Variants in AGL observed in about 807,000 individuals in gnomAD.
AGL encodes the protein glycogen debranching enzyme.
In AGL, 128 loss-of-function variants were observed where a neutral mutation model predicts 199.3. That is an observed-to-expected ratio of 0.64 (90% CI 0.56 to 0.74). The LOEUF is 0.74. Ranked by LOEUF, AGL falls within the 30% of genes least tolerant of loss-of-function variation. AGL has a pLI of 0.00. For missense variants in AGL, 1,809 were observed against 1,820.8 expected (o/e 0.99, Z 0.12); for synonymous variants, 584 against 594.7 (o/e 0.98, Z 0.26).
chr1:99,862,112 G>C (rs994711442), intron 3 of AGL, 145 bp from the exon 4 acceptor site: 8 of 887,644 alleles, frequency 9.0e-6, no homozygotes, highest in Admixed American at 6.9e-5. Context: ...AAGTTTTGTT[G>C]CAACTTTTAA....
At chr1:99,877,611 A>C (rs1651654539) in intron 11 of AGL, 30 bp from the exon 12 acceptor site, 1 of 1,603,298 alleles carries the variant, frequency 6.2e-7, no homozygotes, top group African/African-American at 1.3e-5. Context: ...TATTTCTTGA[A>C]CCATTGAAAG....
At chr1:99,913,958 A>G (rs145820384) in intron 30 of AGL, among the ~76,000 whole-genome samples, 2 of 152,320 alleles carry the variant, frequency 1.3e-5, no homozygotes, top group Non-Finnish European at 2.9e-5. Context: ...GATGATGACT[A>G]ATGAAGTGCT....
chr1:99,874,777 T>G lies in AGL; in HGVS notation c.1049T>G (p.Met350Arg), dbSNP rs761122742. 2 of 1,613,942 alleles carry G rather than the reference T, an allele frequency of 1.2e-6. No individual in the cohort carries two copies. Among genetic ancestry groups the G allele is most frequent in the East Asian group, 2.2e-5 (1 of 44,840 alleles). ...EYRRFGCTVD[M>R]NIALTTFIPH... ...AGACGGTTTGGCTGTACTGTAGATA[T>G]GAACATTGCACTAACGACTTTCATA... is the stretch of plus-strand genomic sequence containing the variant. The change falls in exon 8 of 34, where the codon ATG becomes AGG. Residue 350 changes from methionine (M) to arginine (R), a missense_variant. By Grantham distance (91) the Met-to-Arg change is moderately conservative. Transcript: ENST00000361915.
At position 99,915,725 on chromosome 1, in the gene AGL, G is replaced by A. The variant is rs369792757; in HGVS notation, c.4259+239G>A. On this transcript the variant is annotated intron_variant, in intron 31 of 33. Coordinates refer to ENST00000361915, the MANE Select transcript of AGL (RefSeq NM_000642.3). ...GATCAAGGCTGTAGTGAGCTATGATGGCACCACTGCACTCCAGCCTGCTTG... is the reference window on the plus strand; with the variant it reads ...GATCAAGGCTGTAGTGAGCTATGATAGCACCACTGCACTCCAGCCTGCTTG... 3.6e-4 allele frequency among the ~76,000 whole-genome samples: 54 copies of A among 151,758 alleles called. 1 individual carries two copies. In the East Asian group the frequency reaches 3.9e-3, roughly 11 times the overall value.
intron 3 of AGL, 77 bp from the exon 4 acceptor site, chr1:99,862,180 T>G (rs1650098663): frequency 1.5e-6 from 2 of 1,346,680 alleles, no homozygotes; most frequent in Middle Eastern, 1.8e-4. Flanking sequence ...AACCTTTTAG[T>G]TAGAGTCAGA....
rs1245795149 is a variant in AGL at position 99,891,669 on chromosome 1, T to G, written c.3013T>G (p.Cys1005Gly). The G allele has an allele frequency of 3.7e-6, 6 of 1,613,526 alleles. No individual in the cohort carries two copies. The African/African-American group carries it at 6.7e-5, about 18-fold the overall frequency. The change falls in exon 23 of 34, where the codon TGT becomes GGT. Residue 1005 changes from cysteine (C) to glycine (G), a missense_variant. Transcript: ENST00000361915. Reference sequence around the variant, plus strand: ...GCAGATCCCACGTTACCTTATCCCATGTTACTTTGATGCTATATTAATTGG... The same window carrying G: ...GCAGATCCCACGTTACCTTATCCCAGGTTACTTTGATGCTATATTAATTGG... ...LKQIPRYLIP[C>G]YFDAILIGAY...
At position 99,884,636 on chromosome 1, in the gene AGL, C is replaced by A; in HGVS notation, c.2614C>A (p.Pro872Thr). The change falls in exon 20 of 34, where the codon CCT (proline) becomes ACT (threonine). Residue 872 changes from proline to threonine, a missense_variant. Transcript: ENST00000361915. ...TCGAAATCATCTGACACAATTCAGT[C>A]CTCACTTTAAATCTGGCAGCCTAGC... ...ILRNHLTQFS[P>T]HFKSGSLAVD... 6.2e-7 allele frequency: 1 copy of A among 1,613,894 alleles called. No individual in the cohort carries two copies. Among genetic ancestry groups the A allele is most frequent in the Non-Finnish European group, 8.5e-7 (1 of 1,179,834 alleles).
rs1267387206 is a variant in AGL at position 99,922,571 on chromosome 1, G to GTA, written c.*921_*922dup. The GTA allele has an allele frequency of 5.9e-5, 9 of 151,760 alleles. No homozygotes were observed. In the East Asian group the frequency reaches 1.2e-3, roughly 20 times the overall value. The allele number at this position is 151,760 out of a possible 1,614,324, so 9.4% of individuals were successfully genotyped here. A position where few individuals can be genotyped will look rare whatever the true frequency, so the allele number is the denominator to read the frequency against. On this transcript the variant is annotated 3_prime_UTR_variant, in exon 34 of 34. Transcript: ENST00000361915. ...TAACAAAAATATGGATATGAATTCAGTAGATATCTTAAATTCAATAAAATC... is the reference window on the plus strand; with the variant it reads ...TAACAAAAATATGGATATGAATTCAGTATAGATATCTTAAATTCAATAAAATC...
intron 2 of AGL, among the ~76,000 whole-genome samples, chr1:99,860,396 A>C (rs1352428449): frequency 1.3e-5 from 2 of 152,142 alleles, no homozygotes; most frequent in African/African-American, 2.4e-5. Flanking sequence ...TTATTAATTG[A>C]AAGTTATATT....
In AGL at chr1:99,870,872, A is replaced by G; in HGVS notation, c.958+3A>G. ...ATTTAGAAGACTTCTTACACAAGGT[A>G]AAGGATACATACTAGAATGTTCCTA... is the stretch of plus-strand genomic sequence containing the variant. On this transcript the variant is annotated splice_donor_region_variant and intron_variant, in intron 7 of 33. Coordinates refer to ENST00000361915, the MANE Select transcript of AGL (RefSeq NM_000642.3). The G allele has an allele frequency of 1.3e-6, 2 of 1,522,784 alleles. No homozygotes were observed. Among genetic ancestry groups the G allele is most frequent in the Non-Finnish European group, 1.8e-6 (2 of 1,097,610 alleles). 94.3% of individuals were successfully genotyped at this position (1,522,784 alleles called of 1,614,324 possible).
chr1:99,878,003 G>T (rs1156315671), intron 12 of AGL, among the ~76,000 whole-genome samples, 175 bp downstream of exon 12: 2 of 152,126 alleles, frequency 1.3e-5, no homozygotes, highest in Non-Finnish European at 2.9e-5. Context: ...ATCTTTTGCA[G>T]TTGTTATGGA....
chr1:99,874,446 A>G, intron 7 of AGL: 1 of 395,282 alleles, frequency 2.5e-6, no homozygotes, highest in Non-Finnish European at 4.6e-6. Flanking sequence ...TCTTTCTTTT[A>G]TGTTATTTTT....
Position 99,875,177 on chromosome 1 carries a change from A to C in AGL, c.1106A>C (p.Glu369Ala). ...AGCAAGGGGCCAGCAGCAATTGAAG[A>C]ATGCTGTAATTGGTTTCATAAAAGA... ...PHDKGPAAIE[E>A]CCNWFHKRME... Residue 369 changes from glutamate (E) to alanine (A), a missense_variant, in exon 9 of 34, where the codon GAA becomes GCA. Transcript: ENST00000361915. 1 of 1,614,130 alleles carries C rather than the reference A, an allele frequency of 6.2e-7. No individual in the cohort carries two copies. The highest frequency in any genetic ancestry group is 8.5e-7 in the Non-Finnish European group (1 of 1,179,980).
chr1:99,912,040 T>C (rs1654786933), intron 28 of AGL, among the ~76,000 whole-genome samples: 1 of 152,198 alleles, frequency 6.6e-6, no homozygotes, highest in Admixed American at 6.5e-5. Flanking sequence ...GCTTTCAAAT[T>C]AATGTGTCTG....
chr1:99,917,338 A>G (rs1655199626), intron 33 of AGL, among the ~76,000 whole-genome samples: 1 of 152,126 alleles, frequency 6.6e-6, no homozygotes, highest in African/African-American at 2.4e-5. Flanking sequence ...CTCCTTTCTT[A>G]CAAGCACATA....
At chr1:99,877,900 T>C in intron 12 of AGL, 72 bp downstream of exon 12, 1 of 1,456,020 alleles carries the variant, frequency 6.9e-7, no homozygotes, top group Non-Finnish European at 9.6e-7. Flanking sequence ...TTAAGTAAAC[T>C]ATGCAGGTAA....
intron 27 of AGL, among the ~76,000 whole-genome samples, chr1:99,904,836 T>C (rs1292721349): frequency 1.3e-5 from 2 of 152,202 alleles, no homozygotes; most frequent in Non-Finnish European, 2.9e-5. Context: ...TTTATGCATA[T>C]ACCAGTATTT....
chr1:99,870,911 A>G (rs1650940852), intron 7 of AGL, 42 bp downstream of exon 7: 1 of 1,213,370 alleles, frequency 8.2e-7, no homozygotes, highest in Non-Finnish European at 1.2e-6. Flanking sequence ...ATTTTAAGAA[A>G]TGTAATATTA....
intron 27 of AGL, among the ~76,000 whole-genome samples, chr1:99,905,288 C>G (rs938165390): frequency 2.6e-5 from 4 of 152,172 alleles, no homozygotes; most frequent in African/African-American, 9.7e-5. Context: ...TCTCTGCCTC[C>G]TGGGTTCAAA....
Sources: allele counts gnomAD v4.1 joint callset (sites outside exome capture counted in the v4.1 genomes callset), GRCh38; gene constraint gnomAD v4.1.1; transcripts MANE v1.5; gene names NCBI Gene and HGNC (gene_info 2026-07-23, HGNC 2026-07-21).